Variants in NADSYN1 observed in about 807,000 individuals in gnomAD.
NADSYN1 encodes the protein NAD synthetase 1.
In NADSYN1, 80 loss-of-function variants were observed where a neutral mutation model predicts 99.3. The ratio of observed to expected loss-of-function variants is 0.81; its 90% CI spans 0.67 to 0.97. The LOEUF is 0.97. NADSYN1 is among the 50% of genes least tolerant of loss of function. The pLI is 0.00. For missense variants in NADSYN1, 859 were observed against 948.5 expected, an observed-to-expected ratio of 0.91 and a Z score of 1.24; for synonymous variants, 385 against 372.1, an observed-to-expected ratio of 1.03 and a Z score of -0.40.
intron 5 of NADSYN1, among the ~76,000 whole-genome samples, chr11:71,470,344 A>G (rs755651717): frequency 3.3e-5 from 5 of 152,218 alleles, no homozygotes; most frequent in Non-Finnish European, 7.3e-5. Context: ...CCTTAAGGAC[A>G]TGTTCCTGTG....
At chr11:71,466,809 A>T (rs1000789932) in intron 5 of NADSYN1, 4 of 152,198 alleles carry the variant, frequency 2.6e-5, no homozygotes, top group Admixed American at 6.5e-5. Flanking sequence ...CTCATTTTCA[A>T]ATGTGCACCA....
intron 18 of NADSYN1, among the ~76,000 whole-genome samples, chr11:71,492,747 A>G (rs529085499): frequency 6.6e-6 from 1 of 152,294 alleles, no homozygotes; most frequent in East Asian, 1.9e-4. Flanking sequence ...GAGAAAAAAA[A>G]GCTTTTGCGT....
At chr11:71,456,852 G>A (rs1949517980) in intron 2 of NADSYN1, among the ~76,000 whole-genome samples, 1 of 152,216 alleles carries the variant, frequency 6.6e-6, no homozygotes, top group African/African-American at 2.4e-5. Flanking sequence ...CAGGAGAGGA[G>A]GGACATCACT....
chr11:71,465,315 A>G (rs1402632911), intron 5 of NADSYN1, among the ~76,000 whole-genome samples: 2 of 152,116 alleles, frequency 1.3e-5, no homozygotes, highest in African/African-American at 2.4e-5. Context: ...TTATCTGATC[A>G]GGCCTCTGCA....
At chr11:71,463,611 C>A in intron 4 of NADSYN1, 126 bp downstream of exon 4, 1 of 913,262 alleles carries the variant, frequency 1.1e-6, no homozygotes, top group Non-Finnish European at 1.7e-6. Context: ...TGGAAGTGCC[C>A]GGGCTTAGTG....
At chr11:71,497,327 G>T (rs531511120) in intron 18 of NADSYN1, 156 bp from the exon 19 acceptor site, 2 of 822,480 alleles carry the variant, frequency 2.4e-6, no homozygotes, top group Non-Finnish European at 3.7e-6. Flanking sequence ...CTCCTTACTG[G>T]CTGACTAGCA....
At chr11:71,457,897 T>G in intron 2 of NADSYN1, among the ~76,000 whole-genome samples, 1 of 152,246 alleles carries the variant, frequency 6.6e-6, no homozygotes, top group East Asian at 1.9e-4. Context: ...ATCAGCAGAC[T>G]CTTCTTCTAA....
rs1949671968 is a variant in NADSYN1 at position 71,477,013 on chromosome 11, C to G, written c.799-1382C>G. The G allele has an allele frequency of 7.5e-6, 8 of 1,062,230 alleles. No homozygotes were observed. The South Asian group carries it at 2.0e-4, about 26-fold the overall frequency. The allele number at this position is 1,062,230 out of a possible 1,614,324, so 65.8% of individuals were successfully genotyped here. A position where few individuals can be genotyped will look rare whatever the true frequency, so the allele number is the denominator to read the frequency against. On this transcript the variant is annotated intron_variant, in intron 9 of 20. Coordinates refer to ENST00000319023, the MANE Select transcript of NADSYN1 (RefSeq NM_018161.5). ...TGGCCGCGCTGTCCTCAGGCTCGGG[C>G]CACTGCCCTCCACCAGGTCCTCCGT...
intron 15 of NADSYN1, chr11:71,485,324 G>A (rs1949735249): frequency 2.7e-6 from 1 of 371,712 alleles, no homozygotes; most frequent in South Asian, 4.6e-5. Flanking sequence ...CATCTTTGAA[G>A]GCAAGGCACC....
intron 18 of NADSYN1, chr11:71,497,183 T>C (rs1218335091): frequency 1.0e-5 from 4 of 384,572 alleles, no homozygotes; most frequent in African/African-American, 6.2e-5. Flanking sequence ...CAGCCTACAC[T>C]CTTTTTCCAA....
chr11:71,480,701 C>A (rs1164960293), intron 10 of NADSYN1, 54 bp from the exon 11 acceptor site: 1 of 1,612,238 alleles, frequency 6.2e-7, no homozygotes, highest in Non-Finnish European at 8.5e-7. Flanking sequence ...TCCTGGGGAC[C>A]CAGAGGGTTT....
rs1433409772 is a variant in NADSYN1, at chr11:71,481,390, AGAC to A, written c.1036_1038del (p.Arg346del). On this transcript the variant is annotated inframe_deletion, in exon 12 of 21. Coordinates refer to ENST00000319023, the MANE Select transcript of NADSYN1 (RefSeq NM_018161.5). ...TGCCTGCTGGCTCTGGGATTTTTTAAGACGAAGTCAACAGGTAAGACTTCCAGT... is the reference window on the plus strand; with the variant it reads ...TGCCTGCTGGCTCTGGGATTTTTTAAGAAGTCAACAGGTAAGACTTCCAGT... 1.2e-6 allele frequency: 2 copies of A among 1,613,986 alleles called. No homozygotes were observed. Among genetic ancestry groups the A allele is most frequent in the Non-Finnish European group, 1.7e-6 (2 of 1,179,990 alleles).
chr11:71,472,221 T>G (rs1949631618), intron 5 of NADSYN1, among the ~76,000 whole-genome samples: 1 of 152,158 alleles, frequency 6.6e-6, no homozygotes, highest in Non-Finnish European at 1.5e-5. Flanking sequence ...AGCCCGAAGC[T>G]CGGAGAGCCC....
At chr11:71,456,362 A>G (rs2120387891) in intron 2 of NADSYN1, among the ~76,000 whole-genome samples, 1 of 152,338 alleles carries the variant, frequency 6.6e-6, no homozygotes, top group South Asian at 2.1e-4. Flanking sequence ...CTAAGTGCCA[A>G]GGGATCTAGG....
chr11:71,453,478 G>A, intron 1 of NADSYN1, 97 bp downstream of exon 1: 2 of 1,142,516 alleles, frequency 1.8e-6, no homozygotes, highest in Non-Finnish European at 2.6e-6. Context: ...CCTTGCCCTG[G>A]GAAACTCTCG....
At chr11:71,493,800 T>C (rs918335289) in intron 18 of NADSYN1, among the ~76,000 whole-genome samples, 1 of 152,130 alleles carries the variant, frequency 6.6e-6, no homozygotes. Context: ...TTTTAAGCTG[T>C]TATTATATGA....
At chr11:71,468,313 T>C (rs1343090057) in intron 5 of NADSYN1, among the ~76,000 whole-genome samples, 1 of 152,222 alleles carries the variant, frequency 6.6e-6, no homozygotes, top group African/African-American at 2.4e-5. Context: ...TGTCAACAAA[T>C]GGGACTGTAT....
chr11:71,465,673 G>A (rs901161004), intron 5 of NADSYN1, among the ~76,000 whole-genome samples: 5 of 152,192 alleles, frequency 3.3e-5, no homozygotes, highest in East Asian at 1.9e-4. Context: ...CCCCTGGGGG[G>A]TAAAATGCCC....
rs1456764208 is a variant in NADSYN1 at position 71,491,102 on chromosome 11, G to C, written c.1694+126G>C. 4.5e-6 allele frequency: 6 copies of C among 1,321,398 alleles called. No individual in the cohort carries two copies. The East Asian group carries it at 1.5e-4, about 32-fold the overall frequency. The allele number at this position is 1,321,398 out of a possible 1,614,324, so 81.9% of individuals were successfully genotyped here. On this transcript the variant is annotated intron_variant, in intron 17 of 20. Transcript: ENST00000319023. The stretch of plus-strand genomic sequence containing the variant: ...TTGCCTGCTGAATGGTCCTGCCCCT[G>C]AGCTGGCACTTGAGGCCTGCAACCA...
Sources: gnomAD v4.1 joint callset for allele counts (sites outside exome capture counted in the v4.1 genomes callset) on GRCh38, gnomAD v4.1.1 for gene constraint, MANE v1.5 for transcripts, NCBI Gene and HGNC (gene_info 2026-07-23, HGNC 2026-07-21) for gene names.